Variants in STXBP4 observed in about 807,000 individuals in gnomAD.
The protein encoded by STXBP4 is syntaxin binding protein 4.
In STXBP4, 55 loss-of-function variants were observed where a neutral mutation model predicts 76.1. The observed-to-expected ratio is 0.72, with a 90% confidence interval of 0.58 to 0.91. STXBP4 has a LOEUF of 0.91. Ranked by LOEUF, STXBP4 falls within the 40% of genes least tolerant of loss-of-function variation. STXBP4 has a pLI of 0.00. For missense variants in STXBP4, 618 were observed against 636.9 expected (o/e 0.97, Z 0.32); for synonymous variants, 201 against 220.2 (o/e 0.91, Z 0.77).
chr17:55,027,491 T>G (rs2078436532), intron 8 of STXBP4, among the ~76,000 whole-genome samples: 1 of 152,110 alleles, frequency 6.6e-6, no homozygotes, highest in Non-Finnish European at 1.5e-5. Flanking sequence ...ACAGGTAAAC[T>G]AAAATCTCAG....
chr17:55,162,141 C>T lies in STXBP4; in HGVS notation c.*2230C>T, dbSNP rs898696816. The T allele has an allele frequency of 6.6e-6, 1 of 152,150 alleles. No homozygotes were observed. The highest frequency in any genetic ancestry group is 1.5e-5 in the Non-Finnish European group (1 of 68,044). 9.4% of individuals were successfully genotyped at this position (152,150 alleles called of 1,614,324 possible). On this transcript the variant is annotated 3_prime_UTR_variant, in exon 18 of 18. Coordinates refer to ENST00000376352, the MANE Select transcript of STXBP4 (RefSeq NM_178509.6). ...GGTTCAGTGTGTGAATGGACTGAAC[C>T]AGTTGGCCACTCTCTCAGATTCCCT... is the stretch of plus-strand genomic sequence containing the variant.
intron 7 of STXBP4, among the ~76,000 whole-genome samples, 175 bp from the exon 8 acceptor site, chr17:55,007,330 TC>T (rs1359228198): frequency 6.0e-5 from 7 of 117,276 alleles, no homozygotes; most frequent in Non-Finnish European, 9.1e-5. Context: ...TGAGACTCTG[TC>T]CCCCCTCCAA....
the STXBP4 span, among the ~76,000 whole-genome samples, chr17:55,201,854 T>G: frequency 3.3e-5 from 5 of 152,370 alleles, no homozygotes; most frequent in East Asian, 9.6e-4. Context: ...AGTTAACTTT[T>G]GTCACCAAAT....
chr17:55,039,570 A>G (rs1360417157), intron 10 of STXBP4, among the ~76,000 whole-genome samples: 5 of 152,132 alleles, frequency 3.3e-5, no homozygotes, highest in Admixed American at 6.6e-5. Context: ...GACTATAGAA[A>G]TAATCCAGAT....
chr17:55,013,621 C>T (rs1319306186), intron 8 of STXBP4, among the ~76,000 whole-genome samples: 1 of 152,208 alleles, frequency 6.6e-6, no homozygotes, highest in South Asian at 2.1e-4. Flanking sequence ...TCTTTGGAAA[C>T]CTTGTAGCCA....
chr17:55,005,347 A>G (rs1184889193), intron 7 of STXBP4, among the ~76,000 whole-genome samples: 1 of 152,184 alleles, frequency 6.6e-6, no homozygotes, highest in African/African-American at 2.4e-5. Context: ...TGTGTAACCT[A>G]GGCTAATTTC....
At chr17:55,129,637 TAA>T (rs1301252894) in intron 16 of STXBP4, among the ~76,000 whole-genome samples, 1 of 152,152 alleles carries the variant, frequency 6.6e-6, no homozygotes, top group East Asian at 1.9e-4. Flanking sequence ...TAAAATTAGT[TAA>T]GTTCTTTTTA....
chr17:55,087,309 C>A (rs2144946444), intron 16 of STXBP4, among the ~76,000 whole-genome samples: 1 of 152,112 alleles, frequency 6.6e-6, no homozygotes, highest in African/African-American at 2.4e-5. Flanking sequence ...CTTTTGTTGC[C>A]TGTGCTTTTG....
chr17:55,207,962 C>A, the STXBP4 span, among the ~76,000 whole-genome samples: 14 of 151,752 alleles, frequency 9.2e-5, no homozygotes, highest in African/African-American at 1.2e-4. Context: ...AATAACCATG[C>A]AATTCTTTTG....
intron 1 of STXBP4, among the ~76,000 whole-genome samples, chr17:54,983,607 A>ACTTCT (rs112214646): frequency 2.7e-5 from 4 of 150,250 alleles, no homozygotes; most frequent in Non-Finnish European, 4.4e-5. Flanking sequence ...TGAACTCTGC[A>ACTTCT]TTTCTTTTCT....
chr17:55,060,207 A>G (rs1304720081), intron 12 of STXBP4, among the ~76,000 whole-genome samples: 2 of 152,140 alleles, frequency 1.3e-5, no homozygotes, highest in East Asian at 1.9e-4. Context: ...CATGGATACT[A>G]TTCAGCTTTT....
chr17:55,111,801 A>G (rs2079721405), intron 16 of STXBP4, among the ~76,000 whole-genome samples: 3 of 152,166 alleles, frequency 2.0e-5, no homozygotes, highest in Non-Finnish European at 4.4e-5. Flanking sequence ...GTATTCCTTT[A>G]TAGCAACACA....
intron 16 of STXBP4, among the ~76,000 whole-genome samples, chr17:55,127,498 T>A (rs2058027): frequency 0.64 from 97,008 of 151,980 alleles, 31,818 homozygotes; most frequent in African/African-American, 0.79. Flanking sequence ...CATCCATGGA[T>A]GGATTTAAAT....
chr17:55,001,391 C>A (rs1488820392), intron 7 of STXBP4, among the ~76,000 whole-genome samples: 1 of 151,962 alleles, frequency 6.6e-6, no homozygotes, highest in Non-Finnish European at 1.5e-5. Context: ...GATTTACTGA[C>A]TTTTTAAAAC....
At chr17:55,194,667 A>G in the STXBP4 span, among the ~76,000 whole-genome samples, 1 of 152,238 alleles carries the variant, frequency 6.6e-6, no homozygotes, top group Non-Finnish European at 1.5e-5. Context: ...AGGCACAAGC[A>G]TCAATCATAG....
chr17:54,989,407 T>C (rs996674337), intron 3 of STXBP4, among the ~76,000 whole-genome samples: 12 of 152,240 alleles, frequency 7.9e-5, no homozygotes, highest in Admixed American at 1.3e-4. Context: ...AAGTATTTCT[T>C]TTTTTAATAG....
In STXBP4 at chr17:55,163,021, T is replaced by C. The variant is rs965965945; in HGVS notation, c.*3110T>C. The C allele has an allele frequency of 6.6e-6, 1 of 152,220 alleles. No homozygotes were observed. Among genetic ancestry groups the C allele is most frequent in the Non-Finnish European group, 1.5e-5 (1 of 68,040 alleles). 9.4% of individuals were successfully genotyped at this position (152,220 alleles called of 1,614,324 possible). Reference sequence around the variant, plus strand: ...GTATCTTTGCACTCTTGTGCTAGTATGTCTATAGTGTGAATACATTCATAA... The same window carrying C: ...GTATCTTTGCACTCTTGTGCTAGTACGTCTATAGTGTGAATACATTCATAA... On this transcript the variant is annotated 3_prime_UTR_variant, in exon 18 of 18. Coordinates refer to ENST00000376352, the MANE Select transcript of STXBP4 (RefSeq NM_178509.6).
At chr17:55,107,622 G>A (rs962215580) in intron 16 of STXBP4, among the ~76,000 whole-genome samples, 1 of 152,142 alleles carries the variant, frequency 6.6e-6, no homozygotes, top group Non-Finnish European at 1.5e-5. Context: ...CCTTTTTGTT[G>A]GTGTTGATGC....
At chr17:55,018,908 C>A (rs1026067413) in intron 8 of STXBP4, among the ~76,000 whole-genome samples, 25 of 152,312 alleles carry the variant, frequency 1.6e-4, no homozygotes, top group Non-Finnish European at 2.8e-4. Context: ...TGGATGTATA[C>A]GTGCAGGTCA....
Sources: allele counts gnomAD v4.1 joint callset (sites outside exome capture counted in the v4.1 genomes callset), GRCh38; gene constraint gnomAD v4.1.1; transcripts MANE v1.5; gene names NCBI Gene and HGNC (gene_info 2026-07-23, HGNC 2026-07-21).